HS6ST2: variants seen among roughly 807,000 people sequenced by gnomAD.
The protein encoded by HS6ST2 is heparan sulfate 6-O-sulfotransferase 2.
HS6ST2 carries 17 observed loss-of-function variants against 33.0 expected under a neutral mutation model. That is an observed-to-expected ratio of 0.52 (90% confidence interval 0.35 to 0.77). HS6ST2 has a LOEUF of 0.77. Among genes scored for constraint, HS6ST2 ranks in the 30% least tolerant of loss-of-function variants. The probability of loss-of-function intolerance (pLI) is 0.01; values close to 1 mark genes in which losing one functional copy is unlikely to be tolerated. For synonymous variants in HS6ST2, 248 were observed against 237.1 expected (o/e 1.05, Z -0.42); for missense variants, 519 against 551.7 (o/e 0.94, Z 0.59).
chrX:132,776,911 G>A (rs968068179), intron 2 of HS6ST2, among the ~76,000 whole-genome samples: 1 of 110,155 alleles, frequency 9.1e-6, no homozygotes, highest in South Asian at 3.9e-4. Context: ...GCTCATTCAC[G>A]CCAGTGAATT....
At chrX:132,796,366 G>A (rs1471766640) in intron 2 of HS6ST2, among the ~76,000 whole-genome samples, 2 of 111,714 alleles carry the variant, frequency 1.8e-5, no homozygotes, top group Non-Finnish European at 3.8e-5. Context: ...TTTAATTCTT[G>A]CTGCCCTTGA....
chrX:132,821,413 C>T (rs1220154964), intron 2 of HS6ST2, among the ~76,000 whole-genome samples: 1 of 109,347 alleles, frequency 9.1e-6, no homozygotes, highest in East Asian at 2.9e-4. Flanking sequence ...GGGGTTTCAC[C>T]GTGTTAGCCA....
intron 2 of HS6ST2, among the ~76,000 whole-genome samples, chrX:132,816,944 C>T (rs773274953): frequency 4.5e-5 from 5 of 111,194 alleles, no homozygotes; most frequent in Non-Finnish European, 9.4e-5. Flanking sequence ...AAAATAAGAT[C>T]GCAGCAGGTA....
At chrX:132,785,492 G>A (rs2065053094) in intron 2 of HS6ST2, among the ~76,000 whole-genome samples, 1 of 112,196 alleles carries the variant, frequency 8.9e-6, no homozygotes, top group Non-Finnish European at 1.9e-5. Flanking sequence ...AGCATTGCTG[G>A]TCATACTTTG....
chrX:132,869,427 T>A (rs1432767430), intron 2 of HS6ST2, among the ~76,000 whole-genome samples: 1 of 111,745 alleles, frequency 8.9e-6, no homozygotes, highest in African/African-American at 3.3e-5. Context: ...GAGGCCAGCA[T>A]CAACCTGATA....
Position 132,769,571 on chromosome X carries a change from A to G in HS6ST2, c.948-61077T>C, listed in dbSNP as rs771875485. Among the ~76,000 whole-genome samples, 6 of 112,272 alleles carry G rather than the reference A, an allele frequency of 5.3e-5. No homozygotes were observed. In the South Asian group the frequency reaches 1.9e-3, roughly 35 times the overall value. On this transcript the variant is annotated intron_variant, in intron 2 of 4. Transcript: ENST00000370833. ...TTTTGCCAGACACTTAGAGCCCTTG[A>G]ATGCTTGTTTAATTTCAGACTACAA... is the stretch of plus-strand genomic sequence containing the variant.
chrX:132,843,476 C>T (rs2065724636), intron 2 of HS6ST2, among the ~76,000 whole-genome samples: 1 of 111,013 alleles, frequency 9.0e-6, no homozygotes, highest in Admixed American at 9.6e-5. Context: ...GCATAACAGT[C>T]CTGATTTGGG....
At chrX:132,892,474 C>T (rs1466681136) in intron 2 of HS6ST2, among the ~76,000 whole-genome samples, 2 of 111,811 alleles carry the variant, frequency 1.8e-5, no homozygotes, top group Non-Finnish European at 3.8e-5. Flanking sequence ...TGCAATGTTC[C>T]AAGACCCCCT....
At chrX:132,935,064 TTATAAA>T (rs1453037736) in intron 2 of HS6ST2, among the ~76,000 whole-genome samples, 1 of 111,426 alleles carries the variant, frequency 9.0e-6, no homozygotes, top group Admixed American at 9.5e-5. Flanking sequence ...AACAAAACAA[TTATAAA>T]TATATATGCA....
At chrX:132,765,158 A>C (rs2064835213) in intron 2 of HS6ST2, among the ~76,000 whole-genome samples, 1 of 112,223 alleles carries the variant, frequency 8.9e-6, no homozygotes, top group Admixed American at 9.5e-5. Context: ...AGCCTGGAAG[A>C]GAGAGATGCA....
At chrX:132,680,059 C>T (rs151090632) in intron 3 of HS6ST2, among the ~76,000 whole-genome samples, 1,522 of 105,329 alleles carry the variant, frequency 0.014, 31 homozygotes, top group African/African-American at 0.05. Context: ...ACATCCTCCT[C>T]GGCTTACGAG....
chrX:132,698,524 T>C (rs111316374), intron 3 of HS6ST2, among the ~76,000 whole-genome samples: 5,073 of 111,703 alleles, frequency 0.045, 125 homozygotes, highest in Non-Finnish European at 0.067. Context: ...TTATCACTAG[T>C]TAGTGTAGTA....
intron 4 of HS6ST2, among the ~76,000 whole-genome samples, chrX:132,637,816 ATATATATAATAT>A (rs1241784056): frequency 8.0e-5 from 5 of 62,792 alleles, no homozygotes; most frequent in Non-Finnish European, 1.1e-4. Flanking sequence ...ATATTATTTT[ATATATATAATAT>A]TATATATAAT....
At chrX:132,685,011 T>C (rs1421270587) in intron 3 of HS6ST2, among the ~76,000 whole-genome samples, 1 of 111,744 alleles carries the variant, frequency 8.9e-6, no homozygotes, top group East Asian at 2.8e-4. Flanking sequence ...AAGAACCCAC[T>C]TTTTTCTTTC....
intron 2 of HS6ST2, among the ~76,000 whole-genome samples, chrX:132,928,219 C>T (rs759207958): frequency 5.5e-5 from 6 of 108,309 alleles, no homozygotes; most frequent in Non-Finnish European, 7.6e-5. Context: ...TCAAGCGATT[C>T]TCCTGCCTCA....
chrX:132,685,280 T>G (rs975284791), intron 3 of HS6ST2, among the ~76,000 whole-genome samples: 3 of 112,077 alleles, frequency 2.7e-5, no homozygotes, highest in Non-Finnish European at 5.6e-5. Flanking sequence ...AATTCTGACA[T>G]CATGTATTTG....
rs762880666 is a variant in HS6ST2 at position 132,738,253 on chromosome X, A to G, written c.948-29759T>C. Among the ~76,000 whole-genome samples, 3 of 112,554 alleles carry G rather than the reference A, an allele frequency of 2.7e-5. No homozygotes were observed. In the East Asian group the frequency reaches 8.4e-4, roughly 32 times the overall value. ...GGATGTGGACCATCCGTGTACAGGGATAACCAGTAATGGACTGAATCTCAG... is the reference window on the plus strand; with the variant it reads ...GGATGTGGACCATCCGTGTACAGGGGTAACCAGTAATGGACTGAATCTCAG... On this transcript the variant is annotated intron_variant, in intron 2 of 4. Coordinates refer to ENST00000370833, the MANE Select transcript of HS6ST2 (RefSeq NM_001394073.1).
chrX:132,763,936 G>A (rs2064823964), intron 2 of HS6ST2, among the ~76,000 whole-genome samples: 1 of 112,658 alleles, frequency 8.9e-6, no homozygotes, highest in South Asian at 3.7e-4. Flanking sequence ...TAGCATGTTG[G>A]TGTGAAGCAT....
intron 4 of HS6ST2, among the ~76,000 whole-genome samples, chrX:132,660,718 C>T (rs1367355954): frequency 9.0e-6 from 1 of 111,699 alleles, no homozygotes; most frequent in African/African-American, 3.3e-5. Flanking sequence ...AACTATCTCT[C>T]CATTATTGTA....
Sources: allele counts gnomAD v4.1 joint callset (sites outside exome capture counted in the v4.1 genomes callset), GRCh38; gene constraint gnomAD v4.1.1; transcripts MANE v1.5; gene names NCBI Gene and HGNC (gene_info 2026-07-23, HGNC 2026-07-21).